The following CSMD1 variants were observed in gnomAD, a reference collection of about 807,000 sequenced individuals.
CSMD1 encodes CUB and sushi domain-containing protein 1.
A neutral mutation model predicts 417.5 loss-of-function variants in CSMD1; 213 were observed. That is an observed-to-expected ratio of 0.51 (90% CI 0.46 to 0.57). The LOEUF (loss-of-function observed/expected upper bound fraction) is 0.57, where lower values mean the gene tolerates loss of function less well. Ranked by LOEUF, CSMD1 falls within the 20% of genes least tolerant of loss-of-function variation. The pLI, the probability that CSMD1 is intolerant of heterozygous loss-of-function variation, is 0.00. For missense variants in CSMD1, 6,923 were observed against 4,529.7 expected (o/e 1.53, Z -15.17); for synonymous variants, 2,862 against 1,736.8 (o/e 1.65, Z -16.11).
intron 3 of CSMD1, among the ~76,000 whole-genome samples, chr8:4,192,398 G>T (rs890838590): frequency 7.2e-5 from 11 of 152,126 alleles, no homozygotes; most frequent in African/African-American, 2.7e-4. Flanking sequence ...TGGCTAAGTT[G>T]TGCCTGGAAC....
At chr8:3,224,086 T>A (rs564831594) in intron 27 of CSMD1, among the ~76,000 whole-genome samples, 1 of 152,198 alleles carries the variant, frequency 6.6e-6, no homozygotes, top group Non-Finnish European at 1.5e-5. Flanking sequence ...TTACATAATA[T>A]TCCACCCCAT....
At position 3,984,704 on chromosome 8, in the gene CSMD1, C is replaced by CATATAT. The variant is rs59669026; in HGVS notation, c.818+13193_818+13198dup. Among the ~76,000 whole-genome samples, 144 of 82,808 alleles carry CATATAT rather than the reference C, an allele frequency of 1.7e-3. 7 individuals carry two copies. The highest frequency in any genetic ancestry group is 2.3e-3 in the East Asian group (7 of 3,010). 54.3% of individuals were successfully genotyped at this position (82,808 alleles called of 152,430 possible). A position where few individuals can be genotyped will look rare whatever the true frequency, so the allele number is the denominator to read the frequency against. On this transcript the variant is annotated intron_variant, in intron 5 of 69. Coordinates refer to ENST00000635120, the MANE Select transcript of CSMD1 (RefSeq NM_033225.6). Reference sequence around the variant, plus strand: ...TGGGTTCAGGATTCAGTGTATATATCATATATATATATATATATATATATA... The same window carrying CATATAT: ...TGGGTTCAGGATTCAGTGTATATATCATATATATATATATATATATATATATATATA...
At chr8:3,402,606 A>C (rs945485619) in intron 15 of CSMD1, among the ~76,000 whole-genome samples, 4 of 152,206 alleles carry the variant, frequency 2.6e-5, no homozygotes, top group African/African-American at 9.6e-5. Context: ...TAAATAAAAA[A>C]ATTGCTCTAT....
intron 1 of CSMD1, among the ~76,000 whole-genome samples, chr8:4,976,980 A>G (rs1810598357): frequency 6.6e-6 from 1 of 152,186 alleles, no homozygotes; most frequent in South Asian, 2.1e-4. Flanking sequence ...CTCTCCTAAT[A>G]GAGCAATTTG....
intron 1 of CSMD1, among the ~76,000 whole-genome samples, chr8:4,859,163 G>C (rs1301110329): frequency 6.6e-6 from 1 of 151,650 alleles, no homozygotes; most frequent in Non-Finnish European, 1.5e-5. Flanking sequence ...CAAGCAATGG[G>C]GAAAGGATTC....
intron 5 of CSMD1, among the ~76,000 whole-genome samples, chr8:3,782,100 G>C (rs769528034): frequency 1.3e-5 from 2 of 152,110 alleles, no homozygotes; most frequent in South Asian, 2.1e-4. Context: ...TAAAATTTGA[G>C]AGCCATGAAG....
intron 1 of CSMD1, among the ~76,000 whole-genome samples, chr8:4,724,189 T>C (rs1416882845): frequency 6.6e-6 from 1 of 152,134 alleles, no homozygotes. Context: ...ATGAGTTTTA[T>C]GATAATAATT....
intron 5 of CSMD1, among the ~76,000 whole-genome samples, chr8:3,904,009 C>A (rs2627420): frequency 0.032 from 4,845 of 152,198 alleles, 257 homozygotes; most frequent in African/African-American, 0.11. Flanking sequence ...ACCGTCCTAT[C>A]TGCCTATCTA....
At chr8:3,939,199 A>G (rs1810707688) in intron 5 of CSMD1, among the ~76,000 whole-genome samples, 1 of 152,148 alleles carries the variant, frequency 6.6e-6, no homozygotes, top group African/African-American at 2.4e-5. Context: ...AGAGAACCCA[A>G]CACAAAAGTA....
At chr8:3,129,972 C>T (rs1464393940) in intron 41 of CSMD1, among the ~76,000 whole-genome samples, 1 of 151,720 alleles carries the variant, frequency 6.6e-6, no homozygotes, top group Non-Finnish European at 1.5e-5. Flanking sequence ...CAGAGTGAGA[C>T]TCTGTCCCAA....
intron 3 of CSMD1, among the ~76,000 whole-genome samples, chr8:4,275,733 C>A (rs1048016682): frequency 6.6e-6 from 1 of 152,112 alleles, no homozygotes; most frequent in African/African-American, 2.4e-5. Context: ...ATGAGTATAA[C>A]TTTACACACA....
intron 3 of CSMD1, among the ~76,000 whole-genome samples, chr8:4,286,657 T>G (rs553067404): frequency 6.6e-6 from 1 of 152,276 alleles, no homozygotes; most frequent in East Asian, 1.9e-4. Context: ...AGAAAGGGGA[T>G]AGCAATCATA....
intron 12 of CSMD1, among the ~76,000 whole-genome samples, chr8:3,440,732 G>T (rs958511069): frequency 2.0e-5 from 3 of 152,176 alleles, no homozygotes; most frequent in Admixed American, 1.3e-4. Context: ...CTCTTAGGGG[G>T]TAACATCCAG....
chr8:4,030,386 C>G (rs544586081), intron 4 of CSMD1, among the ~76,000 whole-genome samples: 2 of 152,324 alleles, frequency 1.3e-5, no homozygotes, highest in South Asian at 2.1e-4. Flanking sequence ...TTATTGACTT[C>G]TACACATTCG....
chr8:4,080,308 T>TA (rs1276088225), intron 3 of CSMD1, among the ~76,000 whole-genome samples: 1 of 152,148 alleles, frequency 6.6e-6, no homozygotes, highest in Non-Finnish European at 1.5e-5. Flanking sequence ...TACCTAAGAG[T>TA]AAGGCACGAT....
chr8:4,907,168 C>T (rs191318459), intron 1 of CSMD1, among the ~76,000 whole-genome samples: 2 of 152,320 alleles, frequency 1.3e-5, no homozygotes, highest in Admixed American at 1.3e-4. Context: ...ACTTAAATCA[C>T]TTTCCCTGTC....
chr8:3,405,497 T>C (rs1812291869), intron 15 of CSMD1, among the ~76,000 whole-genome samples: 1 of 152,220 alleles, frequency 6.6e-6, no homozygotes, highest in South Asian at 2.1e-4. Flanking sequence ...GGTTGAATTC[T>C]GTCCCCCCAA....
chr8:3,585,918 C>T (rs1800579497), intron 9 of CSMD1, among the ~76,000 whole-genome samples: 1 of 152,108 alleles, frequency 6.6e-6, no homozygotes, highest in Non-Finnish European at 1.5e-5. Context: ...CACATCTATC[C>T]TCAAATGTAA....
At chr8:4,711,768 CT>C (rs1312415431) in intron 1 of CSMD1, among the ~76,000 whole-genome samples, 51 of 152,030 alleles carry the variant, frequency 3.4e-4, no homozygotes, top group African/African-American at 1.1e-3. Flanking sequence ...TTTTTGTTTG[CT>C]TTTGTTTTTT....
Sources: allele counts gnomAD v4.1 joint callset (sites outside exome capture counted in the v4.1 genomes callset), GRCh38; gene constraint gnomAD v4.1.1; transcripts MANE v1.5; gene names NCBI Gene and HGNC (gene_info 2026-07-23, HGNC 2026-07-21).